Variants in PRDM10 observed in about 807,000 individuals in gnomAD.
PRDM10 encodes PR/SET domain 10.
In PRDM10, 65 loss-of-function variants were observed where a neutral mutation model predicts 133.1. The ratio of observed to expected loss-of-function variants is 0.49; its 90% CI spans 0.40 to 0.60. The LOEUF (loss-of-function observed/expected upper bound fraction) is 0.60, where lower values mean the gene tolerates loss of function less well. Among genes scored for constraint, PRDM10 ranks in the 20% least tolerant of loss-of-function variants. PRDM10 has a pLI of 0.00. For missense variants in PRDM10, 1,137 were observed against 1,507.1 expected (o/e 0.75, Z 4.07); for synonymous variants, 582 against 580.4 (o/e 1.00, Z -0.04).
At position 129,910,597 on chromosome 11, in the gene PRDM10, G is replaced by C; in HGVS notation, c.3042C>G (p.Ser1014=). Residue 1014 remains serine, a synonymous_variant, in exon 19 of 21, where the codon TCC becomes TCG. Transcript: ENST00000360871. ...GTGTGGAAGAACTGCCCTGGATGTGGGAGGGGCTGAGCCCCTGCTGAGCCT... is the reference window on the plus strand; with the variant it reads ...GTGTGGAAGAACTGCCCTGGATGTGCGAGGGGCTGAGCCCCTGCTGAGCCT... ...AQQAQQGLSP[S]HIQGSSSTQG... The C allele has an allele frequency of 6.2e-7, 1 of 1,613,822 alleles. No individual in the cohort carries two copies.
In PRDM10 at chr11:129,960,778, T is replaced by C. The variant is rs879045037; in HGVS notation, c.69+118A>G. On this transcript the variant is annotated intron_variant, in intron 2 of 20. Transcript: ENST00000360871. ...GTCCCTATTCCTTGTGTACGAGTTC[T>C]TCATGTCGGCTCCTAACGACTAGTC... The C allele has an allele frequency of 1.3e-4, 130 of 1,026,016 alleles. No homozygotes were observed. The South Asian group carries it at 1.8e-3, about 14-fold the overall frequency. 63.6% of individuals were successfully genotyped at this position (1,026,016 alleles called of 1,614,324 possible). A position where few individuals can be genotyped will look rare whatever the true frequency, so the allele number is the denominator to read the frequency against.
intron 6 of PRDM10, among the ~76,000 whole-genome samples, chr11:129,944,398 C>CCTGGCTAACAT (rs758557663): frequency 1.7e-4 from 25 of 150,430 alleles, no homozygotes; most frequent in Non-Finnish European, 2.8e-4. Flanking sequence ...ATCGAGACCA[C>CCTGGCTAACAT]GGTGAAACCC....
intron 5 of PRDM10, among the ~76,000 whole-genome samples, chr11:129,946,875 G>A (rs1172523645): frequency 1.3e-5 from 2 of 152,214 alleles, no homozygotes; most frequent in East Asian, 3.8e-4. Flanking sequence ...GGGCTTGGCT[G>A]CCTGATGCCC....
intron 1 of PRDM10, among the ~76,000 whole-genome samples, chr11:130,001,186 C>T (rs769218719): frequency 1.4e-4 from 21 of 150,708 alleles, no homozygotes; most frequent in Non-Finnish European, 2.5e-4. Flanking sequence ...CCCAACCAAT[C>T]CTAATTTTAA....
Position 129,970,631 on chromosome 11 carries a change from G to A in PRDM10, c.-118-9549C>T, listed in dbSNP as rs189623176. ...ACGATCTCAGCTCACTGCAACCTCC[G>A]CCTCTTGGGTTTAGGGGACTCTCCT... On this transcript the variant is annotated intron_variant, in intron 1 of 20. Coordinates refer to ENST00000360871, the MANE Select transcript of PRDM10 (RefSeq NM_199437.2). Among the ~76,000 whole-genome samples the A allele has an allele frequency of 7.0e-4, 105 of 150,420 alleles. 1 individual carries two copies. The Middle Eastern group carries it at 0.01, about 15-fold the overall frequency.
rs1949810250 is a variant in PRDM10 at position 129,900,343 on chromosome 11, C to CG, written c.*1969_*1970insC. Reference sequence around the variant, plus strand: ...TAGAGTCTTTATTTCACTTAAGGACCAAAGAAGAAGAAGAAGAAGAAGAAG... The same window carrying CG: ...TAGAGTCTTTATTTCACTTAAGGACCGAAAGAAGAAGAAGAAGAAGAAGAAG... On this transcript the variant is annotated 3_prime_UTR_variant, in exon 21 of 21. Coordinates refer to ENST00000360871, the MANE Select transcript of PRDM10 (RefSeq NM_199437.2). 6 of 102,012 alleles carry CG rather than the reference C, an allele frequency of 5.9e-5. No homozygotes were observed. Among genetic ancestry groups the CG allele is most frequent in the Admixed American group, 3.1e-4 (3 of 9,742 alleles). 6.3% of individuals were successfully genotyped at this position (102,012 alleles called of 1,614,324 possible). A position where few individuals can be genotyped will look rare whatever the true frequency, so the allele number is the denominator to read the frequency against.
Position 129,925,252 on chromosome 11 carries a change from A to C in PRDM10, c.1531-23T>G, listed in dbSNP as rs753658581. 3 of 1,567,650 alleles carry C rather than the reference A, an allele frequency of 1.9e-6. No individual in the cohort carries two copies. The Admixed American group carries it at 5.6e-5, about 29-fold the overall frequency. On this transcript the variant is annotated intron_variant, in intron 11 of 20. Coordinates refer to ENST00000360871, the MANE Select transcript of PRDM10 (RefSeq NM_199437.2). ...ATTCTGAAAGACATACACAAATGTG[A>C]TCATTTAGTGATGAAATTAAGAGTG...
At chr11:130,000,509 G>A (rs557386458) in intron 1 of PRDM10, among the ~76,000 whole-genome samples, 2 of 152,188 alleles carry the variant, frequency 1.3e-5, no homozygotes, top group Non-Finnish European at 2.9e-5. Flanking sequence ...CAGAGCCCTT[G>A]AAGACAGGAA....
intron 11 of PRDM10, chr11:129,929,406 C>A: frequency 6.4e-7 from 1 of 1,566,432 alleles, no homozygotes. Flanking sequence ...GGAAACAAAC[C>A]TACCTGCAGC....
rs1949873613 is a variant in PRDM10, at chr11:129,902,522, G to C, written c.3268-6C>G. On this transcript the variant is annotated splice_region_variant and splice_polypyrimidine_tract_variant and intron_variant, in intron 20 of 20. Transcript: ENST00000360871. ...TCTGATAACACATAATGACCCTAGA[G>C]GAAGAAGAAAAGGATCCTTAAAAAC... The C allele has an allele frequency of 6.2e-7, 1 of 1,612,606 alleles. No homozygotes were observed. Among genetic ancestry groups the C allele is most frequent in the Non-Finnish European group, 8.5e-7 (1 of 1,179,252 alleles).
intron 1 of PRDM10, among the ~76,000 whole-genome samples, chr11:129,987,804 T>A (rs879544832): frequency 3.3e-5 from 5 of 152,068 alleles, no homozygotes; most frequent in Non-Finnish European, 7.4e-5. Context: ...ATCAAGACCA[T>A]CCTGGCTAAC....
chr11:129,923,695 T>C lies in PRDM10; in HGVS notation c.1879-292A>G, dbSNP rs73016859. ...GAGAGAGAGAGAGAGAGAGAGAGAG[T>C]GCTTGCTTGGTCAAAGCCCTGATCA... On this transcript the variant is annotated intron_variant, in intron 12 of 20. Coordinates refer to ENST00000360871, the MANE Select transcript of PRDM10 (RefSeq NM_199437.2). The surrounding 1 kb of genome is among the most constrained non-coding windows in gnomAD (Gnocchi z 4.4). Among the ~76,000 whole-genome samples the C allele has an allele frequency of 5.2e-3, 252 of 48,396 alleles. 3 individuals carry two copies. The highest frequency in any genetic ancestry group is 0.014 in the African/African-American group (233 of 16,128). The allele number at this position is 48,396 out of a possible 152,430, so 31.7% of individuals were successfully genotyped here.
At chr11:129,932,011 T>C (rs760853240) in intron 10 of PRDM10, 91 bp downstream of exon 10, 77 of 1,437,344 alleles carry the variant, frequency 5.4e-5, no homozygotes, top group Non-Finnish European at 7.2e-5. Context: ...TCTACAAACA[T>C]TGGGAAGGTC....
At chr11:129,915,536 C>T in intron 16 of PRDM10, 124 bp downstream of exon 16, 1 of 1,081,796 alleles carries the variant, frequency 9.2e-7, no homozygotes, top group Non-Finnish European at 1.3e-6. Context: ...AGGACAACAT[C>T]TCTTTCAGTC....
chr11:129,924,458 C>T (rs1233710234), intron 12 of PRDM10, among the ~76,000 whole-genome samples: 2 of 152,168 alleles, frequency 1.3e-5, no homozygotes, highest in Admixed American at 6.5e-5. Context: ...TATATACCAA[C>T]TTTCTCTTTG....
At chr11:129,979,979 A>G (rs1938014036) in intron 1 of PRDM10, among the ~76,000 whole-genome samples, 1 of 152,234 alleles carries the variant, frequency 6.6e-6, no homozygotes, top group Non-Finnish European at 1.5e-5. Context: ...TGCCAGGAAA[A>G]TGTAAATTAA....
intron 20 of PRDM10, among the ~76,000 whole-genome samples, chr11:129,904,016 A>G (rs1949931251): frequency 6.6e-6 from 1 of 152,174 alleles, no homozygotes; most frequent in Non-Finnish European, 1.5e-5. Flanking sequence ...TGTCCTGATC[A>G]TGCCAATATG....
At chr11:129,971,483 G>T (rs1952023607) in intron 1 of PRDM10, among the ~76,000 whole-genome samples, 1 of 152,148 alleles carries the variant, frequency 6.6e-6, no homozygotes, top group East Asian at 1.9e-4. Flanking sequence ...TAGATACAGA[G>T]TGTCCATTGG....
intron 4 of PRDM10, among the ~76,000 whole-genome samples, chr11:129,954,692 A>T (rs1409243375): frequency 2.6e-5 from 4 of 151,910 alleles, no homozygotes; most frequent in African/African-American, 2.4e-5. Context: ...TTTATTTTTG[A>T]GACAGGGCCT....
Sources: allele counts gnomAD v4.1 joint callset (sites outside exome capture counted in the v4.1 genomes callset), GRCh38; gene constraint gnomAD v4.1.1; non-coding constraint Gnocchi (gnomAD v3.1); transcripts MANE v1.5; gene names NCBI Gene and HGNC (gene_info 2026-07-23, HGNC 2026-07-21).